The following CDK5RAP1 variants were observed in gnomAD, a reference collection of about 807,000 sequenced individuals.
The protein encoded by CDK5RAP1 is CDK5RAP1 mitochondrial tRNA methylthiotransferase.
In CDK5RAP1, 62 loss-of-function variants were observed where a neutral mutation model predicts 64.5. That is an observed-to-expected ratio of 0.96 (90% CI 0.78 to 1.19). The LOEUF is 1.19. Among genes scored for constraint, CDK5RAP1 ranks in the 50% most tolerant of loss-of-function variants. CDK5RAP1 has a pLI of 0.00. For missense variants in CDK5RAP1, 657 were observed against 735.0 expected (o/e 0.89, Z 1.23); for synonymous variants, 250 against 261.9 (o/e 0.95, Z 0.44).
At chr20:33,384,801 C>A (rs990787344) in intron 7 of CDK5RAP1, among the ~76,000 whole-genome samples, 1 of 152,116 alleles carries the variant, frequency 6.6e-6, no homozygotes, top group Non-Finnish European at 1.5e-5. Flanking sequence ...ACTTGGGAGG[C>A]TGAAGTGGGA....
chr20:33,369,012 C>T (rs1233867163), intron 11 of CDK5RAP1, among the ~76,000 whole-genome samples: 2 of 142,988 alleles, frequency 1.4e-5, no homozygotes, highest in Non-Finnish European at 3.1e-5. Flanking sequence ...TGGTGGCACG[C>T]ACCAGTAATC....
In CDK5RAP1 at chr20:33,393,326, C is replaced by T. The variant is rs114046688; in HGVS notation, c.443+706G>A. Among the ~76,000 whole-genome samples, 1,261 of 152,130 alleles carry T rather than the reference C, an allele frequency of 8.3e-3. 16 individuals carry two copies. The highest frequency in any genetic ancestry group is 0.028 in the African/African-American group (1,152 of 41,486). On this transcript the variant is annotated intron_variant, in intron 4 of 13. Coordinates refer to ENST00000346416, the MANE Select transcript of CDK5RAP1 (RefSeq NM_016408.4). The stretch of plus-strand genomic sequence containing the variant: ...AGAGTGCTGGGATTATAGGTGTGAC[C>T]TACTACACCCAGCCTCATTGTTTGA...
intron 5 of CDK5RAP1, among the ~76,000 whole-genome samples, chr20:33,389,609 GCC>G (rs1402169233): frequency 1.3e-5 from 2 of 151,060 alleles, no homozygotes; most frequent in African/African-American, 4.9e-5. Flanking sequence ...CGCCCGGCCA[GCC>G]GCCCCGTCCA....
chr20:33,397,676 C>A (rs949660985), intron 1 of CDK5RAP1, among the ~76,000 whole-genome samples: 1 of 152,190 alleles, frequency 6.6e-6, no homozygotes, highest in Admixed American at 6.5e-5. Flanking sequence ...ATTGTATGCC[C>A]GATCAGTGAC....
chr20:33,362,289 T>C (rs1983090881), intron 12 of CDK5RAP1, among the ~76,000 whole-genome samples: 1 of 151,998 alleles, frequency 6.6e-6, no homozygotes, highest in African/African-American at 2.4e-5. Flanking sequence ...GAAAATGGCA[T>C]AGAGTAAAGA....
chr20:33,372,737 A>G, intron 9 of CDK5RAP1, 40 bp from the exon 10 acceptor site: 1 of 1,314,682 alleles, frequency 7.6e-7, no homozygotes, highest in Non-Finnish European at 1.1e-6. Context: ...ACATAAATCC[A>G]ACCTTTTTAA....
At chr20:33,389,049 G>A (rs1238115429) in intron 5 of CDK5RAP1, among the ~76,000 whole-genome samples, 46 of 152,090 alleles carry the variant, frequency 3.0e-4, no homozygotes, top group Non-Finnish European at 5.3e-4. Context: ...CCGCCACCCC[G>A]TCTGGGAAGT....
intron 12 of CDK5RAP1, among the ~76,000 whole-genome samples, chr20:33,361,548 A>G (rs1483467385): frequency 2.0e-5 from 3 of 152,192 alleles, no homozygotes; most frequent in East Asian, 1.9e-4. Context: ...TGTCACAGTC[A>G]TAAGTTCTTG....
At chr20:33,377,331 C>G (rs145450321) in intron 8 of CDK5RAP1, among the ~76,000 whole-genome samples, 1 of 152,222 alleles carries the variant, frequency 6.6e-6, no homozygotes, top group Non-Finnish European at 1.5e-5. Context: ...AGTAGAACCA[C>G]CTTCAGCATT....
chr20:33,394,965 G>C (rs1568730913), intron 3 of CDK5RAP1, 48 bp downstream of exon 3: 1 of 1,171,866 alleles, frequency 8.5e-7, no homozygotes. Flanking sequence ...CACAAATGCA[G>C]AATCTTGCCC....
rs144615571 is a variant in CDK5RAP1 at position 33,377,046 on chromosome 20, G to A, written c.1107+2415C>T. Among the ~76,000 whole-genome samples the A allele has an allele frequency of 1.4e-4, 21 of 152,258 alleles. No individual in the cohort carries two copies. In the East Asian group the frequency reaches 4.1e-3, roughly 29 times the overall value. ...CACCAGCTGCCTTGGCCCCTAACAA[G>A]AGAGTCTGGCTGGGCACAGTAGCTC... On this transcript the variant is annotated intron_variant, in intron 8 of 13. Coordinates refer to ENST00000346416, the MANE Select transcript of CDK5RAP1 (RefSeq NM_016408.4).
intron 12 of CDK5RAP1, among the ~76,000 whole-genome samples, chr20:33,365,335 G>A (rs995554724): frequency 2.6e-5 from 4 of 151,456 alleles, no homozygotes; most frequent in African/African-American, 7.3e-5. Context: ...GCAATGGCCC[G>A]ATCTCAGCTC....
chr20:33,398,313 T>G (rs1217059503), intron 1 of CDK5RAP1, among the ~76,000 whole-genome samples: 1 of 151,966 alleles, frequency 6.6e-6, no homozygotes, highest in South Asian at 2.1e-4. Context: ...GCCAACACAG[T>G]GAAACCTCAT....
At chr20:33,400,642 T>A (rs1328692939) in intron 1 of CDK5RAP1, among the ~76,000 whole-genome samples, 1 of 152,090 alleles carries the variant, frequency 6.6e-6, no homozygotes, top group Non-Finnish European at 1.5e-5. Context: ...GTTAAGAGTA[T>A]GAACTCCACT....
chr20:33,364,915 T>G (rs1983622165), intron 12 of CDK5RAP1, among the ~76,000 whole-genome samples: 1 of 151,656 alleles, frequency 6.6e-6, no homozygotes, highest in South Asian at 2.1e-4. Flanking sequence ...CTGTGTATTT[T>G]TTTTGATACA....
At chr20:33,365,597 TAAAAAAAAAA>T (rs11471267) in intron 12 of CDK5RAP1, among the ~76,000 whole-genome samples, 1 of 78,372 alleles carries the variant, frequency 1.3e-5, no homozygotes, top group Middle Eastern at 8.1e-3. Flanking sequence ...CTCTATAATG[TAAAAAAAAAA>T]AAAAAAAAAA....
At chr20:33,361,261 T>C (rs1186063031) in intron 12 of CDK5RAP1, among the ~76,000 whole-genome samples, 1 of 152,056 alleles carries the variant, frequency 6.6e-6, no homozygotes, top group Non-Finnish European at 1.5e-5. Flanking sequence ...ACAGTGGTCC[T>C]CCCCTGCACT....
At chr20:33,364,188 CTTTT>C (rs11479107) in intron 12 of CDK5RAP1, among the ~76,000 whole-genome samples, 1 of 135,504 alleles carries the variant, frequency 7.4e-6, no homozygotes, top group African/African-American at 2.7e-5. Flanking sequence ...GAAGAAATAG[CTTTT>C]TTTTTTTTTT....
At chr20:33,381,116 A>G (rs950078809) in intron 7 of CDK5RAP1, among the ~76,000 whole-genome samples, 6 of 152,074 alleles carry the variant, frequency 3.9e-5, no homozygotes, top group Non-Finnish European at 8.8e-5. Context: ...ATTCCCATAT[A>G]CTCTTTGCCC....
Sources: allele counts gnomAD v4.1 joint callset (sites outside exome capture counted in the v4.1 genomes callset), GRCh38; gene constraint gnomAD v4.1.1; transcripts MANE v1.5; gene names NCBI Gene and HGNC (gene_info 2026-07-23, HGNC 2026-07-21).